Variants in COP1 observed in about 807,000 individuals in gnomAD.
COP1 encodes COP1 E3 ubiquitin ligase.
In COP1, 24 loss-of-function variants were observed where a neutral mutation model predicts 101.3. The observed-to-expected ratio is 0.24, with a 90% CI of 0.17 to 0.33. The LOEUF is 0.33. Ranked by LOEUF, COP1 falls within the 10% of genes least tolerant of loss-of-function variation. COP1 has a pLI of 1.00. For missense variants in COP1, 663 were observed against 906.2 expected, an observed-to-expected ratio of 0.73 and a Z score of 3.45; for synonymous variants, 347 against 341.9, an observed-to-expected ratio of 1.01 and a Z score of -0.17.
chr1:176,024,138 A>G (rs1437382457), intron 15 of COP1, among the ~76,000 whole-genome samples: 1 of 152,182 alleles, frequency 6.6e-6, no homozygotes, highest in Non-Finnish European at 1.5e-5. Flanking sequence ...TGGTGCCCGT[A>G]GTCCCAGCTT....
Position 176,111,832 on chromosome 1 carries a change from T to C in COP1, c.1026+4792A>G, listed in dbSNP as rs186901347. Among the ~76,000 whole-genome samples, 393 of 152,336 alleles carry C rather than the reference T, an allele frequency of 2.6e-3. 3 individuals carry two copies. Among genetic ancestry groups the C allele is most frequent in the African/African-American group, 9.0e-3 (376 of 41,574 alleles). On this transcript the variant is annotated intron_variant, in intron 9 of 19. Coordinates refer to ENST00000367669, the MANE Select transcript of COP1 (RefSeq NM_022457.7). ...CTCCATTTATGTTAGGTCTAGCTAT[T>C]ATCTGGAGCACAGCTAGAAATGAAG...
intron 14 of COP1, among the ~76,000 whole-genome samples, chr1:176,034,237 C>G (rs749552648): frequency 3.3e-5 from 5 of 152,132 alleles, no homozygotes; most frequent in Non-Finnish European, 7.4e-5. Context: ...GCACCTCAAG[C>G]AACAAACACT....
chr1:175,974,922 C>CAAAAAAAAAAAAA (rs34306335), intron 18 of COP1, among the ~76,000 whole-genome samples: 1 of 91,264 alleles, frequency 1.1e-5, no homozygotes, highest in Non-Finnish European at 2.2e-5. Flanking sequence ...GACCCTGTCT[C>CAAAAAAAAAAAAA]AAAAAAAAAA....
At chr1:176,099,828 C>A (rs1445202874) in intron 9 of COP1, among the ~76,000 whole-genome samples, 1 of 152,114 alleles carries the variant, frequency 6.6e-6, no homozygotes, top group Admixed American at 6.5e-5. Context: ...TCACCTTCTA[C>A]AGGCCCAGAG....
In COP1 at chr1:176,196,136, T is replaced by C. The variant is rs570920499; in HGVS notation, c.407+10436A>G. Among the ~76,000 whole-genome samples, 9 of 152,254 alleles carry C rather than the reference T, an allele frequency of 5.9e-5. No individual in the cohort carries two copies. In the South Asian group the frequency reaches 1.7e-3, roughly 28 times the overall value. On this transcript the variant is annotated intron_variant, in intron 1 of 19. Transcript: ENST00000367669. ...CTAAAGTAGGGATTAGAAAGGGAAA[T>C]TGATAAGATTAAGTGTTGCTATTGA... is the stretch of plus-strand genomic sequence containing the variant.
intron 1 of COP1, among the ~76,000 whole-genome samples, chr1:176,189,596 T>C (rs1159149888): frequency 6.6e-6 from 1 of 151,728 alleles, no homozygotes; most frequent in Non-Finnish European, 1.5e-5. Flanking sequence ...TTAATGTAAA[T>C]CCTGCAAGCA....
At chr1:176,117,159 T>G (rs545775150) in intron 8 of COP1, among the ~76,000 whole-genome samples, 1 of 152,204 alleles carries the variant, frequency 6.6e-6, no homozygotes, top group Non-Finnish European at 1.5e-5. Flanking sequence ...AATGAGGTGA[T>G]GTAGGCTAGC....
intron 10 of COP1, among the ~76,000 whole-genome samples, chr1:176,081,892 G>A (rs1048744018): frequency 6.6e-6 from 1 of 152,048 alleles, no homozygotes; most frequent in African/African-American, 2.4e-5. Flanking sequence ...ATCTCAAAGT[G>A]CCTTCATCAA....
chr1:175,973,284 A>G (rs539066461), intron 18 of COP1, among the ~76,000 whole-genome samples: 2 of 152,366 alleles, frequency 1.3e-5, no homozygotes, highest in African/African-American at 4.8e-5. Flanking sequence ...ATACATTGAG[A>G]ATTTAAAATA....
chr1:175,978,038 T>C (rs1353470786), intron 18 of COP1, among the ~76,000 whole-genome samples: 1 of 152,126 alleles, frequency 6.6e-6, no homozygotes, highest in Non-Finnish European at 1.5e-5. Flanking sequence ...TGGATACTTT[T>C]TAGCATGGTG....
At chr1:176,063,741 G>A (rs969272604) in intron 11 of COP1, among the ~76,000 whole-genome samples, 2 of 152,080 alleles carry the variant, frequency 1.3e-5, no homozygotes, top group African/African-American at 4.8e-5. Context: ...CATTTTTGGG[G>A]GGCTCTGTTT....
rs537535578 is a variant in COP1, at chr1:176,100,860, C to A, written c.1027-14970G>T. ...CTTAAGAAAAGGAGTCCGTGCAACA[C>A]CCCCACCCCCCAAGACACATTTTTG... is the stretch of plus-strand genomic sequence containing the variant. On this transcript the variant is annotated intron_variant, in intron 9 of 19. Transcript: ENST00000367669. 3.9e-5 allele frequency among the ~76,000 whole-genome samples: 6 copies of A among 152,180 alleles called. No individual in the cohort carries two copies. In the East Asian group the frequency reaches 9.7e-4, roughly 25 times the overall value.
rs67600151 is a variant in COP1 at position 176,160,255 on chromosome 1, C to CTTT, written c.762+2611_762+2613dup. 9.4e-4 allele frequency: 225 copies of CTTT among 238,862 alleles called. 1 individual carries two copies. Among genetic ancestry groups the CTTT allele is most frequent in the South Asian group, 1.3e-3 (47 of 35,856 alleles). The allele number at this position is 238,862 out of a possible 1,614,324, so 14.8% of individuals were successfully genotyped here. A position where few individuals can be genotyped will look rare whatever the true frequency, so the allele number is the denominator to read the frequency against. ...TTTTGGTATGGTAGCCCACACACAT[C>CTTT]TTTTTTTTTTTTTTTTTTTTTTTTT... On this transcript the variant is annotated intron_variant, in intron 5 of 19. Transcript: ENST00000367669.
intron 10 of COP1, among the ~76,000 whole-genome samples, chr1:176,082,363 T>A (rs772833333): frequency 1.2e-4 from 18 of 152,150 alleles, no homozygotes; most frequent in Non-Finnish European, 2.5e-4. Context: ...GTAAGCATAA[T>A]AAAAGTAAGA....
At chr1:175,998,088 A>AAAAAAAAAG (rs1660686452) in intron 15 of COP1, among the ~76,000 whole-genome samples, 1 of 93,720 alleles carries the variant, frequency 1.1e-5, no homozygotes, top group South Asian at 3.3e-4. Context: ...AAAAAAAAAA[A>AAAAAAAAAG]AAGAAAATGT....
At chr1:176,133,649 A>G (rs1689316923) in intron 8 of COP1, among the ~76,000 whole-genome samples, 1 of 151,970 alleles carries the variant, frequency 6.6e-6, no homozygotes, top group Non-Finnish European at 1.5e-5. Context: ...TAAATAGAGC[A>G]ATTAAGTAAA....
At chr1:176,089,284 CTCTG>C (rs1351882836) in intron 9 of COP1, among the ~76,000 whole-genome samples, 1 of 122,482 alleles carries the variant, frequency 8.2e-6, no homozygotes, top group East Asian at 2.5e-4. Flanking sequence ...CAGACTGAGA[CTCTG>C]TCTAAAACAA....
At position 176,057,105 on chromosome 1, in the gene COP1, G is replaced by A. The variant is rs141287516; in HGVS notation, c.1278-10781C>T. The stretch of plus-strand genomic sequence containing the variant: ...TTACATAGAAAGACAAACTACCCCT[G>A]CGTTTCCAATATTTGCTGAACATTC... On this transcript the variant is annotated intron_variant, in intron 11 of 19. Coordinates refer to ENST00000367669, the MANE Select transcript of COP1 (RefSeq NM_022457.7). Among the ~76,000 whole-genome samples, 399 of 152,246 alleles carry A rather than the reference G, an allele frequency of 2.6e-3. 3 individuals are homozygous for A. Among genetic ancestry groups the A allele is most frequent in the African/African-American group, 9.2e-3 (381 of 41,540 alleles).
intron 15 of COP1, among the ~76,000 whole-genome samples, chr1:176,015,192 G>T (rs1172566588): frequency 1.3e-5 from 2 of 152,278 alleles, no homozygotes; most frequent in Middle Eastern, 3.4e-3. Context: ...ATCTAGAGAA[G>T]TTTGAAAGAG....
Sources: gnomAD v4.1 joint callset for allele counts (sites outside exome capture counted in the v4.1 genomes callset) on GRCh38, gnomAD v4.1.1 for gene constraint, MANE v1.5 for transcripts, NCBI Gene and HGNC (gene_info 2026-07-23, HGNC 2026-07-21) for gene names.